ZBTB17: variants seen among roughly 807,000 people sequenced by gnomAD.
ZBTB17 encodes zinc finger and BTB domain containing 17, also known as zinc finger and BTB domain-containing protein 17.
A neutral mutation model predicts 85.1 loss-of-function variants in ZBTB17; 24 were observed. The ratio of observed to expected loss-of-function variants is 0.28; its 90% CI spans 0.20 to 0.40. ZBTB17 has a LOEUF of 0.40. Ranked by LOEUF, ZBTB17 falls within the 10% of genes least tolerant of loss-of-function variation. The probability of loss-of-function intolerance (pLI) is 1.00; values close to 1 mark genes in which losing one functional copy is unlikely to be tolerated. For missense variants in ZBTB17, 743 were observed against 1,105.1 expected (o/e 0.67, Z 4.65); for synonymous variants, 464 against 460.2 (o/e 1.01, Z -0.11).
chr1:15,945,999 G>T (rs778210758), intron 5 of ZBTB17, 155 bp downstream of exon 5: 2 of 1,545,818 alleles, frequency 1.3e-6, no homozygotes, highest in Non-Finnish European at 1.8e-6. Flanking sequence ...GGTTGAAACA[G>T]ACCCCCTGGA....
Position 15,964,478 on chromosome 1 carries a change from G to A in ZBTB17, c.-3+8561C>T, listed in dbSNP as rs564976015. Among the ~76,000 whole-genome samples, 1 of 152,350 alleles carries A rather than the reference G, an allele frequency of 6.6e-6. No individual in the cohort carries two copies. Among genetic ancestry groups the A allele is most frequent in the Admixed American group, 6.5e-5 (1 of 15,306 alleles). ...CACGCCTGTAATCCCAACACGTTGG[G>A]AGGCTGAGGTGGGAGGATTGCTTGA... On this transcript the variant is annotated intron_variant, in intron 2 of 15. Transcript: ENST00000375743. The surrounding 1 kb of genome is among the most constrained non-coding windows in gnomAD (Gnocchi z 4.3).
At chr1:15,944,231 C>T (rs1391833548) in intron 9 of ZBTB17, 69 bp downstream of exon 9, 2 of 1,538,656 alleles carry the variant, frequency 1.3e-6, no homozygotes, top group Admixed American at 3.9e-5. Flanking sequence ...CCCGCCCCAC[C>T]ACGTGGCATG....
rs186514124 is a variant in ZBTB17, at chr1:15,966,624, C to T, written c.-3+6415G>A. Among the ~76,000 whole-genome samples, 12 of 152,288 alleles carry T rather than the reference C, an allele frequency of 7.9e-5. No individual in the cohort carries two copies. Among genetic ancestry groups the T allele is most frequent in the African/African-American group, 1.2e-4 (5 of 41,550 alleles). On this transcript the variant is annotated intron_variant, in intron 2 of 15. Transcript: ENST00000375743. The surrounding 1 kb of genome is among the most constrained non-coding windows in gnomAD (Gnocchi z 4.1). Reference sequence around the variant, plus strand: ...AGAGCCTAAGCCCCAGTTTTCTACACGTATCTGTGCTGACTGCATTACTGA... The same window carrying T: ...AGAGCCTAAGCCCCAGTTTTCTACATGTATCTGTGCTGACTGCATTACTGA...
chr1:15,948,652 AC>A lies in ZBTB17; in HGVS notation c.-2-156del, dbSNP rs544575369. Among the ~76,000 whole-genome samples, 412 of 152,082 alleles carry A rather than the reference AC, an allele frequency of 2.7e-3. 1 individual carries two copies. The highest frequency in any genetic ancestry group is 6.8e-3 in the Middle Eastern group (2 of 294). ...CACAAAAGGGCAGTTCAGTCCAGAT[AC>A]CCCCTGCAAGCCAAACTCAACCAAC... On this transcript the variant is annotated intron_variant, in intron 2 of 15. Coordinates refer to ENST00000375743, the MANE Select transcript of ZBTB17 (RefSeq NM_003443.3).
chr1:15,948,062 T>A, intron 3 of ZBTB17: 1 of 603,512 alleles, frequency 1.7e-6, no homozygotes, highest in Non-Finnish European at 3.0e-6. Flanking sequence ...CTAGAGCTCA[T>A]CATGAGCCCT....
intron 6 of ZBTB17, 77 bp downstream of exon 6, chr1:15,945,638 A>G: frequency 1.3e-6 from 2 of 1,570,996 alleles, no homozygotes; most frequent in Non-Finnish European, 8.6e-7. Context: ...GAGGAGAGGG[A>G]GGCCCCAGTG....
chr1:15,962,367 G>C (rs1044823641), intron 2 of ZBTB17, among the ~76,000 whole-genome samples: 3 of 152,130 alleles, frequency 2.0e-5, no homozygotes, highest in African/African-American at 7.2e-5. Flanking sequence ...AGAAACTCAC[G>C]GGCTGGTTGC....
intron 1 of ZBTB17, among the ~76,000 whole-genome samples, chr1:15,974,050 G>T (rs991224088): frequency 6.6e-6 from 1 of 152,030 alleles, no homozygotes; most frequent in Admixed American, 6.6e-5. Flanking sequence ...AATTAGCCAG[G>T]TGTTATGGTG....
At chr1:15,943,546 G>A (rs756604150) in intron 11 of ZBTB17, 27 bp from the exon 12 acceptor site, 6 of 1,611,652 alleles carry the variant, frequency 3.7e-6, no homozygotes, top group South Asian at 1.1e-5. Context: ...AGGTGTTGGT[G>A]CCTGCTCCTC....
chr1:15,952,261 T>C lies in ZBTB17; in HGVS notation c.-2-3764A>G, dbSNP rs2071886009. 6.6e-6 allele frequency among the ~76,000 whole-genome samples: 1 copy of C among 152,176 alleles called. No individual in the cohort carries two copies. Among genetic ancestry groups the C allele is most frequent in the Non-Finnish European group, 1.5e-5 (1 of 68,020 alleles). On this transcript the variant is annotated intron_variant, in intron 2 of 15. Coordinates refer to ENST00000375743, the MANE Select transcript of ZBTB17 (RefSeq NM_003443.3). The surrounding 1 kb of genome is among the most constrained non-coding windows in gnomAD (Gnocchi z 4.3). ...CCTCTAGTCACTCAGTTTTTCTCCC[T>C]CACCTCAGGTGTCAGAGCTGGGATG...
chr1:15,948,433 C>A lies in ZBTB17; in HGVS notation c.63G>T (p.Gly21=), dbSNP rs1209012889. The A allele has an allele frequency of 6.2e-7, 1 of 1,614,030 alleles. No homozygotes were observed. The highest frequency in any genetic ancestry group is 8.5e-7 in the Non-Finnish European group (1 of 1,180,052). Residue 21 remains glycine, a synonymous_variant, in exon 3 of 16, where the codon GGG becomes GGT. Transcript: ENST00000375743. ...LEQLNQQRQL[G]LLCDCTFVVD... ...CCACAAAGGTGCAGTCACAGAGAAG[C>A]CCCAGCTGCCGCTGCTGGTTCAGCT...
At position 15,941,881 on chromosome 1, in the gene ZBTB17, C is replaced by G. The variant is rs1027653161; in HGVS notation, c.*88G>C. 2 of 1,472,242 alleles carry G rather than the reference C, an allele frequency of 1.4e-6. No homozygotes were observed. Among genetic ancestry groups the G allele is most frequent in the African/African-American group, 1.4e-5 (1 of 71,374 alleles). The allele number at this position is 1,472,242 out of a possible 1,614,324, so 91.2% of individuals were successfully genotyped here. On this transcript the variant is annotated 3_prime_UTR_variant, in exon 16 of 16. Coordinates refer to ENST00000375743, the MANE Select transcript of ZBTB17 (RefSeq NM_003443.3). ...CCTATAGGCAGCATTAGAAAATAAT[C>G]CAATTTATTCTCTCTAGGGAACAGG...
At chr1:15,947,904 G>C (rs2071678888) in intron 3 of ZBTB17, among the ~76,000 whole-genome samples, 1 of 152,170 alleles carries the variant, frequency 6.6e-6, no homozygotes, top group Non-Finnish European at 1.5e-5. Flanking sequence ...CCAGCCCCTA[G>C]GCCTTCCCCA....
intron 2 of ZBTB17, among the ~76,000 whole-genome samples, chr1:15,971,086 A>G (rs1176098329): frequency 6.6e-6 from 1 of 152,140 alleles, no homozygotes; most frequent in Non-Finnish European, 1.5e-5. Flanking sequence ...AGAGAAGTTC[A>G]TGTGGGGCTG....
intron 2 of ZBTB17, among the ~76,000 whole-genome samples, chr1:15,962,676 G>A (rs2072301721): frequency 6.6e-6 from 1 of 152,120 alleles, no homozygotes; most frequent in Admixed American, 6.5e-5. Context: ...CAGAATACCG[G>A]GTTCAACAGA....
intron 5 of ZBTB17, 144 bp from the exon 6 acceptor site, chr1:15,945,984 G>A: frequency 3.9e-6 from 6 of 1,545,920 alleles, no homozygotes; most frequent in Non-Finnish European, 5.3e-6. Context: ...TGTTGTGTCT[G>A]CTCTGGTTGA....
At chr1:15,945,631 G>A (rs2071565397) in intron 6 of ZBTB17, 84 bp downstream of exon 6, 2 of 1,563,898 alleles carry the variant, frequency 1.3e-6, no homozygotes, top group South Asian at 2.3e-5. Flanking sequence ...GAGGCAGGAG[G>A]AGAGGGAGGC....
chr1:15,968,878 T>C (rs2072538196), intron 2 of ZBTB17, among the ~76,000 whole-genome samples: 1 of 152,192 alleles, frequency 6.6e-6, no homozygotes, highest in African/African-American at 2.4e-5. Flanking sequence ...AGCCTGTACC[T>C]TGCAGCAGGA....
chr1:15,971,357 A>G (rs2072645286), intron 2 of ZBTB17, among the ~76,000 whole-genome samples: 1 of 145,334 alleles, frequency 6.9e-6, no homozygotes, highest in Non-Finnish European at 1.5e-5. Flanking sequence ...GTACATACAC[A>G]CACAATATAT....
Sources: allele counts gnomAD v4.1 joint callset (sites outside exome capture counted in the v4.1 genomes callset), GRCh38; gene constraint gnomAD v4.1.1; non-coding constraint Gnocchi (gnomAD v3.1); transcripts MANE v1.5; gene names NCBI Gene and HGNC (gene_info 2026-07-23, HGNC 2026-07-21).